FSIP1: variants seen among roughly 807,000 people sequenced by gnomAD.
FSIP1 encodes the protein fibrous sheath-interacting protein 1.
Under a neutral mutation model 60.9 loss-of-function variants are expected in FSIP1, and 65 were observed. That is an observed-to-expected ratio of 1.07 (90% CI 0.87 to 1.31). FSIP1 has a LOEUF of 1.31. Ranked by LOEUF, FSIP1 falls within the 40% of genes most tolerant of loss-of-function variation. The probability of loss-of-function intolerance (pLI) is 0.00; values close to 1 mark genes in which losing one functional copy is unlikely to be tolerated. For synonymous variants in FSIP1, 209 were observed against 221.2 expected (o/e 0.94, Z 0.49); for missense variants, 675 against 665.5 (o/e 1.01, Z -0.16).
chr15:39,698,991 C>T (rs1469313421), intron 10 of FSIP1, among the ~76,000 whole-genome samples: 3 of 152,304 alleles, frequency 2.0e-5, no homozygotes, highest in South Asian at 4.1e-4. Flanking sequence ...GGGACAACTG[C>T]CCTAGCCTCC....
At chr15:39,771,975 A>G (rs1365745741) in intron 2 of FSIP1, among the ~76,000 whole-genome samples, 1 of 152,202 alleles carries the variant, frequency 6.6e-6, no homozygotes, top group Non-Finnish European at 1.5e-5. Context: ...TGGGTTTCAC[A>G]TGGGGGAATA....
At chr15:39,744,752 C>G (rs4924384) in intron 5 of FSIP1, among the ~76,000 whole-genome samples, 23,430 of 139,134 alleles carry the variant, frequency 0.17, 2,263 homozygotes, top group Admixed American at 0.27. Context: ...CTGTCTGTCT[C>G]TCTCTCTCTC....
intron 10 of FSIP1, among the ~76,000 whole-genome samples, chr15:39,661,570 T>A (rs1384798145): frequency 6.6e-6 from 1 of 152,246 alleles, no homozygotes; most frequent in East Asian, 1.9e-4. Flanking sequence ...AATTCAAAGA[T>A]GACCAGGTAT....
chr15:39,706,929 T>C (rs1895296621), intron 10 of FSIP1, among the ~76,000 whole-genome samples: 1 of 152,218 alleles, frequency 6.6e-6, no homozygotes, highest in South Asian at 2.1e-4. Flanking sequence ...CTCATTCTTT[T>C]GATAGGCAGA....
At chr15:39,774,712 G>A (rs1281483954) in intron 2 of FSIP1, among the ~76,000 whole-genome samples, 3 of 152,192 alleles carry the variant, frequency 2.0e-5, no homozygotes, top group African/African-American at 7.2e-5. Context: ...AGATGAACCT[G>A]CACAAGATTT....
intron 10 of FSIP1, among the ~76,000 whole-genome samples, chr15:39,688,863 A>C (rs1444223450): frequency 6.6e-6 from 1 of 152,108 alleles, no homozygotes; most frequent in African/African-American, 2.4e-5. Flanking sequence ...CCACTGGAAA[A>C]ATTTTCATAG....
At position 39,703,034 on chromosome 15, in the gene FSIP1, A is replaced by G. The variant is rs1396235053; in HGVS notation, c.1188+10410T>C. On this transcript the variant is annotated intron_variant, in intron 10 of 11. Coordinates refer to ENST00000350221, the MANE Select transcript of FSIP1 (RefSeq NM_152597.5). The stretch of plus-strand genomic sequence containing the variant: ...TTTCATTCTTGTTGCCCAGGCTGGA[A>G]TGCAATGGCACGATTTCGGCTCACT... 3.4e-5 allele frequency among the ~76,000 whole-genome samples: 5 copies of G among 148,480 alleles called. No individual in the cohort carries two copies. In the East Asian group the frequency reaches 9.8e-4, roughly 29 times the overall value.
intron 1 of FSIP1, among the ~76,000 whole-genome samples, chr15:39,777,800 A>G (rs1445715333): frequency 1.3e-5 from 2 of 152,210 alleles, no homozygotes; most frequent in African/African-American, 2.4e-5. Flanking sequence ...ATTCAACCAT[A>G]ACAGAATGAA....
At position 39,763,882 on chromosome 15, in the gene FSIP1, T is replaced by C. The variant is rs779198001; in HGVS notation, c.498A>G (p.Lys166=). The C allele has an allele frequency of 6.3e-7, 1 of 1,599,940 alleles. No individual in the cohort carries two copies. The change falls in exon 5 of 12, where the codon AAA becomes AAG. Residue 166 remains lysine, a synonymous_variant. Coordinates refer to ENST00000350221, the MANE Select transcript of FSIP1 (RefSeq NM_152597.5). ...ATTTTTTTGTATTTTCCATCTCCTC[T>C]TTACTTTGCCAAGCTTCACTATATT... The part of the protein sequence containing the change: ...SAKYSEAWQS[K]EEMENTKKFL...
rs1338042538 is a variant in FSIP1, at chr15:39,709,477, T to C, written c.1188+3967A>G. On this transcript the variant is annotated intron_variant, in intron 10 of 11. Transcript: ENST00000350221. Reference sequence around the variant, plus strand: ...GATTTAATCCAATTAATAACAAATATTTAGGAAACACAAACTAGTTTTAGA... The same window carrying C: ...GATTTAATCCAATTAATAACAAATACTTAGGAAACACAAACTAGTTTTAGA... Among the ~76,000 whole-genome samples the C allele has an allele frequency of 2.0e-5, 3 of 152,330 alleles. No homozygotes were observed. The East Asian group carries it at 5.8e-4, about 29-fold the overall frequency.
chr15:39,760,500 G>A (rs1897459681), intron 5 of FSIP1, among the ~76,000 whole-genome samples: 1 of 152,170 alleles, frequency 6.6e-6, no homozygotes, highest in Non-Finnish European at 1.5e-5. Flanking sequence ...ACTGAGAAGG[G>A]CACATAACTT....
intron 11 of FSIP1, among the ~76,000 whole-genome samples, chr15:39,613,858 G>C (rs190404327): frequency 5.2e-4 from 79 of 152,268 alleles, no homozygotes; most frequent in African/African-American, 1.8e-3. Flanking sequence ...AAAACCATAT[G>C]ATAATCTCAA....
intron 9 of FSIP1, among the ~76,000 whole-genome samples, chr15:39,725,187 C>T (rs981013696): frequency 6.6e-6 from 1 of 152,182 alleles, no homozygotes; most frequent in Admixed American, 6.5e-5. Context: ...GCCGAGATCG[C>T]GCCACTGAAC....
At chr15:39,634,116 G>A (rs1047767295) in intron 10 of FSIP1, among the ~76,000 whole-genome samples, 1 of 152,112 alleles carries the variant, frequency 6.6e-6, no homozygotes, top group African/African-American at 2.4e-5. Flanking sequence ...GCCTACTCAA[G>A]GTCATCGCTT....
chr15:39,780,458 G>C (rs977566138), intron 1 of FSIP1, among the ~76,000 whole-genome samples: 5 of 152,208 alleles, frequency 3.3e-5, no homozygotes, highest in African/African-American at 1.2e-4. Context: ...CCGGGAGGCG[G>C]AGCTTGCAGT....
At chr15:39,739,130 T>C (rs1435318707) in intron 7 of FSIP1, among the ~76,000 whole-genome samples, 4 of 152,162 alleles carry the variant, frequency 2.6e-5, no homozygotes, top group Non-Finnish European at 5.9e-5. Context: ...GCAAGGCCTG[T>C]AAGACCAAAG....
chr15:39,685,115 C>T (rs1894312609), intron 10 of FSIP1, among the ~76,000 whole-genome samples: 1 of 152,190 alleles, frequency 6.6e-6, no homozygotes, highest in South Asian at 2.1e-4. Context: ...ATCTAAATGA[C>T]TGGTGTGCTA....
At chr15:39,713,419 A>T (rs1252045335) in intron 10 of FSIP1, 25 bp downstream of exon 10, 1 of 1,570,212 alleles carries the variant, frequency 6.4e-7, no homozygotes, top group Admixed American at 2.0e-5. Flanking sequence ...TCTTAAAAAA[A>T]ATTAATTAAA....
intron 10 of FSIP1, among the ~76,000 whole-genome samples, chr15:39,625,737 T>G (rs1029204428): frequency 1.6e-4 from 25 of 152,000 alleles, no homozygotes; most frequent in African/African-American, 6.0e-4. Flanking sequence ...AACTCCCAGC[T>G]AAAAAAGCCT....
Sources: allele counts gnomAD v4.1 joint callset (sites outside exome capture counted in the v4.1 genomes callset), GRCh38; gene constraint gnomAD v4.1.1; transcripts MANE v1.5; gene names NCBI Gene and HGNC (gene_info 2026-07-23, HGNC 2026-07-21).